Variants in ELMO1 observed in about 807,000 individuals in gnomAD.
ELMO1 encodes the protein engulfment and cell motility protein 1.
A neutral mutation model predicts 98.9 loss-of-function variants in ELMO1; 26 were observed. The observed-to-expected ratio is 0.26, with a 90% confidence interval of 0.19 to 0.36. The LOEUF is 0.36. Among genes scored for constraint, ELMO1 ranks in the 10% least tolerant of loss-of-function variants. ELMO1 has a pLI of 1.00. For missense variants in ELMO1, 627 were observed against 935.2 expected, an observed-to-expected ratio of 0.67 and a Z score of 4.30; for synonymous variants, 346 against 346.0, an observed-to-expected ratio of 1.00 and a Z score of 0.00.
chr7:37,345,693 C>T lies in ELMO1; in HGVS notation c.-73-2930G>A, dbSNP rs188786631. ...CTGCACACCAGCGTGGGCAACAGAG[C>T]GAGACTCTGTCTCAAGCCGGGTGTG... On this transcript the variant is annotated intron_variant, in intron 1 of 21. Coordinates refer to ENST00000310758, the MANE Select transcript of ELMO1 (RefSeq NM_014800.11). Among the ~76,000 whole-genome samples, 178 of 151,538 alleles carry T rather than the reference C, an allele frequency of 1.2e-3. 5 individuals are homozygous for T. In the East Asian group the frequency reaches 0.03, roughly 25 times the overall value.
intron 13 of ELMO1, among the ~76,000 whole-genome samples, chr7:37,160,384 T>C (rs563720542): frequency 8.0e-4 from 122 of 152,314 alleles, no homozygotes; most frequent in African/African-American, 2.9e-3. Flanking sequence ...CTGGAGCATA[T>C]ATGCACAGTC....
intron 13 of ELMO1, among the ~76,000 whole-genome samples, chr7:37,149,641 A>G (rs565954578): frequency 1.3e-5 from 2 of 152,306 alleles, no homozygotes; most frequent in African/African-American, 4.8e-5. Flanking sequence ...AGAAGCTGTG[A>G]CACAGCCTTG....
chr7:37,087,954 G>T (rs1313893760), intron 15 of ELMO1, among the ~76,000 whole-genome samples: 1 of 152,178 alleles, frequency 6.6e-6, no homozygotes, highest in Non-Finnish European at 1.5e-5. Context: ...CGAGGAATCA[G>T]AACAGTCACC....
intron 16 of ELMO1, chr7:36,919,242 A>G: frequency 2.7e-6 from 1 of 370,750 alleles, no homozygotes; most frequent in South Asian, 2.4e-5. Flanking sequence ...CATTTGGTTA[A>G]TAGTGACTAG....
intron 13 of ELMO1, among the ~76,000 whole-genome samples, chr7:37,160,320 A>C (rs79651870): frequency 6.6e-6 from 1 of 152,288 alleles, no homozygotes; most frequent in East Asian, 1.9e-4. Flanking sequence ...TTTCTCTAAG[A>C]AATATTAATA....
chr7:37,017,470 G>A (rs533661473), intron 15 of ELMO1, among the ~76,000 whole-genome samples: 8 of 152,280 alleles, frequency 5.3e-5, no homozygotes, highest in African/African-American at 1.9e-4. Context: ...ATTAAGAGTC[G>A]TCATATGACC....
At chr7:36,990,941 T>A (rs543392556) in intron 16 of ELMO1, among the ~76,000 whole-genome samples, 4 of 152,284 alleles carry the variant, frequency 2.6e-5, no homozygotes, top group African/African-American at 9.6e-5. Flanking sequence ...AGGGATTCCA[T>A]TTACCGGGCA....
At chr7:37,292,632 T>G (rs1329723820) in intron 4 of ELMO1, among the ~76,000 whole-genome samples, 1 of 90,178 alleles carries the variant, frequency 1.1e-5, no homozygotes, top group Admixed American at 1.1e-4. Context: ...CGTCTCTGCC[T>G]GGACGCCCCG....
intron 16 of ELMO1, among the ~76,000 whole-genome samples, chr7:36,910,158 A>G (rs1204325193): frequency 6.6e-6 from 1 of 152,208 alleles, no homozygotes; most frequent in Non-Finnish European, 1.5e-5. Flanking sequence ...GAATCCTGGA[A>G]TTTTTGGCTA....
chr7:37,317,891 AATT>A (rs1323047968), intron 2 of ELMO1, among the ~76,000 whole-genome samples: 4 of 152,198 alleles, frequency 2.6e-5, no homozygotes, highest in Non-Finnish European at 5.9e-5. Flanking sequence ...TCCACAATAA[AATT>A]ATTATATATT....
chr7:36,999,163 G>A (rs377566795), intron 16 of ELMO1, among the ~76,000 whole-genome samples: 8 of 152,116 alleles, frequency 5.3e-5, no homozygotes, highest in East Asian at 1.9e-4. Flanking sequence ...CCCGGGTCAC[G>A]CAGGAGGTCA....
At chr7:37,125,026 GA>G (rs1563018676) in intron 14 of ELMO1, among the ~76,000 whole-genome samples, 1 of 152,160 alleles carries the variant, frequency 6.6e-6, no homozygotes, top group South Asian at 2.1e-4. Flanking sequence ...ACAAAAACAA[GA>G]AATGGGGAAA....
intron 1 of ELMO1, among the ~76,000 whole-genome samples, chr7:37,403,390 A>G (rs921966769): frequency 1.3e-5 from 2 of 151,870 alleles, no homozygotes; most frequent in Non-Finnish European, 2.9e-5. Flanking sequence ...AATCCCCCCA[A>G]CTCTGAAAAA....
rs1796930484 is a variant in ELMO1 at position 37,277,906 on chromosome 7, A to G, written c.193-6024T>C. On this transcript the variant is annotated intron_variant, in intron 4 of 21. Transcript: ENST00000310758. ...TAGGCAGATGGCATGACTGCTCATT[A>G]CAGGAACTTTCTGAAAGACCCAGAA... Among the ~76,000 whole-genome samples, 6 of 152,214 alleles carry G rather than the reference A, an allele frequency of 3.9e-5. No homozygotes were observed. The South Asian group carries it at 1.2e-3, about 32-fold the overall frequency.
intron 16 of ELMO1, among the ~76,000 whole-genome samples, chr7:36,985,565 T>A (rs1468530136): frequency 6.6e-6 from 1 of 152,164 alleles, no homozygotes; most frequent in East Asian, 1.9e-4. Context: ...TGCACCTTTT[T>A]CTCTCTTCCT....
At chr7:37,050,232 A>G (rs1796028003) in intron 15 of ELMO1, among the ~76,000 whole-genome samples, 1 of 152,020 alleles carries the variant, frequency 6.6e-6, no homozygotes, top group African/African-American at 2.4e-5. Flanking sequence ...ACCACCACAC[A>G]CAGCTAATTT....
chr7:37,221,393 C>T (rs1163051718), intron 10 of ELMO1, among the ~76,000 whole-genome samples: 4 of 152,188 alleles, frequency 2.6e-5, no homozygotes, highest in Non-Finnish European at 5.9e-5. Flanking sequence ...TAAACGAACT[C>T]ACTGGCAACT....
At chr7:36,997,148 G>A (rs1340128756) in intron 16 of ELMO1, among the ~76,000 whole-genome samples, 1 of 151,898 alleles carries the variant, frequency 6.6e-6, no homozygotes, top group Non-Finnish European at 1.5e-5. Flanking sequence ...GCAGGATACA[G>A]AACAAACTGA....
chr7:37,347,715 A>G (rs1025778820), intron 1 of ELMO1, among the ~76,000 whole-genome samples: 1 of 151,864 alleles, frequency 6.6e-6, no homozygotes, highest in Non-Finnish European at 1.5e-5. Context: ...AAATTACCCA[A>G]TCTCCCGTAT....
Sources: gnomAD v4.1 joint callset for allele counts (sites outside exome capture counted in the v4.1 genomes callset) on GRCh38, gnomAD v4.1.1 for gene constraint, MANE v1.5 for transcripts, NCBI Gene and HGNC (gene_info 2026-07-23, HGNC 2026-07-21) for gene names.